SSBP2: variants seen among roughly 807,000 people sequenced by gnomAD.
SSBP2 encodes single stranded DNA binding protein 2, also known as single-stranded DNA-binding protein 2.
In SSBP2, 17 loss-of-function variants were observed where a neutral mutation model predicts 61.8. That is an observed-to-expected ratio of 0.28 (90% CI 0.19 to 0.41). The LOEUF is 0.41. Ranked by LOEUF, SSBP2 falls within the 10% of genes least tolerant of loss-of-function variation. The pLI is 1.00. For synonymous variants in SSBP2, 139 were observed against 141.3 expected (o/e 0.98, Z 0.12); for missense variants, 310 against 458.7 (o/e 0.68, Z 2.96).
At chr5:81,574,583 T>C (rs1273358455) in intron 4 of SSBP2, among the ~76,000 whole-genome samples, 1 of 151,836 alleles carries the variant, frequency 6.6e-6, no homozygotes, top group African/African-American at 2.4e-5. Context: ...ACCCTGAAGT[T>C]AAGAAGCACT....
intron 1 of SSBP2, among the ~76,000 whole-genome samples, chr5:81,676,854 T>C (rs901732593): frequency 6.6e-6 from 1 of 151,922 alleles, no homozygotes; most frequent in African/African-American, 2.4e-5. Context: ...TGGTAGATGT[T>C]AGTGGAAAGA....
chr5:81,514,291 T>G (rs891598180), intron 4 of SSBP2, among the ~76,000 whole-genome samples: 4 of 151,844 alleles, frequency 2.6e-5, no homozygotes, highest in African/African-American at 9.7e-5. Context: ...AATAAGGGAT[T>G]GAATAGGAGA....
chr5:81,725,678 T>C (rs1261625054), intron 1 of SSBP2, among the ~76,000 whole-genome samples: 1 of 152,166 alleles, frequency 6.6e-6, no homozygotes, highest in Non-Finnish European at 1.5e-5. Flanking sequence ...TTACAAGTTA[T>C]GAAACAGATA....
intron 1 of SSBP2, among the ~76,000 whole-genome samples, chr5:81,746,068 C>T (rs1757330266): frequency 6.6e-6 from 1 of 152,030 alleles, no homozygotes; most frequent in Admixed American, 6.6e-5. Context: ...TGAAAACTTT[C>T]AACTTTTTTC....
At chr5:81,603,709 G>T (rs1744602631) in intron 4 of SSBP2, among the ~76,000 whole-genome samples, 1 of 152,088 alleles carries the variant, frequency 6.6e-6, no homozygotes, top group Admixed American at 6.6e-5. Flanking sequence ...TTTATTAAAA[G>T]ATACTAGAAA....
At position 81,545,912 on chromosome 5, in the gene SSBP2, C is replaced by T. The variant is rs372206686; in HGVS notation, c.283-32195G>A. On this transcript the variant is annotated intron_variant, in intron 4 of 16. Coordinates refer to ENST00000320672, the MANE Select transcript of SSBP2 (RefSeq NM_012446.5). Reference sequence around the variant, plus strand: ...TTGCTCCCAGAATCCAATGTCCACTCCATTCTTGGTGAGCTAGACAGATGA... The same window carrying T: ...TTGCTCCCAGAATCCAATGTCCACTTCATTCTTGGTGAGCTAGACAGATGA... 2.0e-5 allele frequency among the ~76,000 whole-genome samples: 3 copies of T among 152,268 alleles called. No individual in the cohort carries two copies. In the East Asian group the frequency reaches 5.8e-4, roughly 29 times the overall value.
intron 5 of SSBP2, among the ~76,000 whole-genome samples, chr5:81,510,930 T>A (rs1344196770): frequency 6.6e-6 from 1 of 152,166 alleles, no homozygotes; most frequent in Admixed American, 6.5e-5. Flanking sequence ...AGTAGTTTAG[T>A]ACTGCCTTTA....
At chr5:81,428,708 G>C (rs1289774439) in intron 15 of SSBP2, 25 bp from the exon 16 acceptor site, 6 of 1,573,596 alleles carry the variant, frequency 3.8e-6, no homozygotes, top group Middle Eastern at 3.3e-4. Context: ...TAGAAAACAA[G>C]GCATTGTTGA....
rs138463556 is a variant in SSBP2, at chr5:81,693,954, T to C, written c.63-43615A>G. Among the ~76,000 whole-genome samples the C allele has an allele frequency of 2.9e-3, 440 of 151,990 alleles. 2 individuals are homozygous for C. The highest frequency in any genetic ancestry group is 9.9e-3 in the African/African-American group (409 of 41,460). ...TAGCGTCCATCAACAGACAAATGGATAAAGAAAATATGGTGCATATACAGA... is the reference window on the plus strand; with the variant it reads ...TAGCGTCCATCAACAGACAAATGGACAAAGAAAATATGGTGCATATACAGA... On this transcript the variant is annotated intron_variant, in intron 1 of 16. Transcript: ENST00000320672.
chr5:81,715,726 G>A (rs188364791), intron 1 of SSBP2, among the ~76,000 whole-genome samples: 1 of 152,230 alleles, frequency 6.6e-6, no homozygotes, highest in Non-Finnish European at 1.5e-5. Flanking sequence ...GTACTGGGAG[G>A]ATGGGAAGAC....
chr5:81,729,930 G>A (rs1042680502), intron 1 of SSBP2, among the ~76,000 whole-genome samples: 3 of 152,114 alleles, frequency 2.0e-5, no homozygotes, highest in African/African-American at 7.2e-5. Context: ...ACACTAGATA[G>A]ACTAAATCAC....
chr5:81,751,368 G>A (rs1283769833), upstream of SSBP2: 5 of 482,124 alleles, frequency 1.0e-5, no homozygotes, highest in Non-Finnish European at 1.5e-5. Flanking sequence ...CCGAACCCGG[G>A]CGCAAGGGGG....
intron 1 of SSBP2, among the ~76,000 whole-genome samples, chr5:81,726,570 A>G (rs1387346778): frequency 6.6e-6 from 1 of 152,224 alleles, no homozygotes; most frequent in African/African-American, 2.4e-5. Flanking sequence ...CTAAACTGTT[A>G]TTGTATCCCA....
intron 4 of SSBP2, among the ~76,000 whole-genome samples, chr5:81,516,498 G>A (rs539938980): frequency 2.4e-4 from 36 of 152,136 alleles, no homozygotes; most frequent in African/African-American, 8.7e-4. Flanking sequence ...CTAGTCCACA[G>A]CATTTCAGCC....
rs141493445 is a variant in SSBP2, at chr5:81,464,435, T to C, written c.638+2539A>G. Among the ~76,000 whole-genome samples the C allele has an allele frequency of 3.3e-3, 507 of 152,286 alleles. 3 individuals carry two copies. Among genetic ancestry groups the C allele is most frequent in the African/African-American group, 0.012 (493 of 41,572 alleles). ...AGATACAATACTGGTTACAGAAACATAGAAAGTAAGTTTTTCAGTGACACA... is the reference window on the plus strand; with the variant it reads ...AGATACAATACTGGTTACAGAAACACAGAAAGTAAGTTTTTCAGTGACACA... On this transcript the variant is annotated intron_variant, in intron 9 of 16. Transcript: ENST00000320672.
chr5:81,524,236 G>A (rs748564936), intron 4 of SSBP2, among the ~76,000 whole-genome samples: 53 of 151,976 alleles, frequency 3.5e-4, no homozygotes, highest in Non-Finnish European at 1.0e-4. Context: ...GTGAAGCTTA[G>A]GGCACCCCTC....
rs1743763188 is a variant in SSBP2, at chr5:81,596,504, G to A, written c.282+18969C>T. Among the ~76,000 whole-genome samples, 4 of 64,024 alleles carry A rather than the reference G, an allele frequency of 6.2e-5. No individual in the cohort carries two copies. The South Asian group carries it at 2.3e-3, about 38-fold the overall frequency. The allele number at this position is 64,024 out of a possible 152,430, so 42.0% of individuals were successfully genotyped here. On this transcript the variant is annotated intron_variant, in intron 4 of 16. Transcript: ENST00000320672. ...AAAAAACTACTTTCAAGTTCATATG[G>A]AAGCAAAAAAGAGCCTGCATTGCCA...
chr5:81,707,212 A>G (rs1754456328), intron 1 of SSBP2, among the ~76,000 whole-genome samples: 1 of 152,110 alleles, frequency 6.6e-6, no homozygotes, highest in Non-Finnish European at 1.5e-5. Context: ...TTCATTTACT[A>G]AAAGGTAAAT....
chr5:81,645,452 T>C (rs1005225961), intron 2 of SSBP2, among the ~76,000 whole-genome samples: 16 of 152,324 alleles, frequency 1.1e-4, no homozygotes, highest in African/African-American at 3.6e-4. Flanking sequence ...GAAGGGGTAG[T>C]CATAATGCAA....
Sources: gnomAD v4.1 joint callset for allele counts (sites outside exome capture counted in the v4.1 genomes callset) on GRCh38, gnomAD v4.1.1 for gene constraint, MANE v1.5 for transcripts, NCBI Gene and HGNC (gene_info 2026-07-23, HGNC 2026-07-21) for gene names.